The following KCNN2 variants were observed in gnomAD, a reference collection of about 807,000 sequenced individuals.
KCNN2 encodes small conductance calcium-activated potassium channel protein 2.
Under a neutral mutation model 55.5 loss-of-function variants are expected in KCNN2, and 24 were observed. The ratio of observed to expected loss-of-function variants is 0.43; its 90% CI spans 0.31 to 0.61. The LOEUF is 0.61. Ranked by LOEUF, KCNN2 falls within the 20% of genes least tolerant of loss-of-function variation. KCNN2 has a pLI of 0.08. For synonymous variants in KCNN2, 431 were observed against 336.1 expected, an observed-to-expected ratio of 1.28 and a Z score of -3.09; for missense variants, 754 against 853.6, an observed-to-expected ratio of 0.88 and a Z score of 1.45.
At position 114,145,280 on chromosome 5, in the gene KCNN2, A is replaced by G. The variant is rs533450445; in HGVS notation, c.-270-76200A>G. On this transcript the variant is annotated intron_variant, in intron 1 of 10. Coordinates refer to the KCNN2 transcript ENST00000512097. ...TAGTAATATGACCTTTAGGAGCCCA[A>G]TCAACAATGGTATAGTGAGAAGAAT... is the stretch of plus-strand genomic sequence containing the variant. Among the ~76,000 whole-genome samples the G allele has an allele frequency of 2.0e-4, 30 of 152,354 alleles. 1 individual carries two copies. In the South Asian group the frequency reaches 5.8e-3, roughly 29 times the overall value.
At chr5:114,339,859 T>C (rs1328756121) in intron 2 of KCNN2, among the ~76,000 whole-genome samples, 3 of 147,232 alleles carry the variant, frequency 2.0e-5, no homozygotes, top group East Asian at 2.0e-4. Flanking sequence ...AAATGCATGA[T>C]ATATGGCAAT....
intron 2 of KCNN2, among the ~76,000 whole-genome samples, chr5:114,324,670 T>C (rs896356728): frequency 6.6e-6 from 1 of 152,222 alleles, no homozygotes; most frequent in African/African-American, 2.4e-5. Context: ...TTTGTGATAA[T>C]TTGTTACAGC....
At chr5:114,077,758 A>C (rs1168864801) in intron 1 of KCNN2, among the ~76,000 whole-genome samples, 1 of 152,196 alleles carries the variant, frequency 6.6e-6, no homozygotes, top group African/African-American at 2.4e-5. Context: ...TGAGGCACAG[A>C]TAAAGCAGGT....
intron 2 of KCNN2, among the ~76,000 whole-genome samples, chr5:114,397,075 C>G (rs1004704206): frequency 6.6e-6 from 1 of 152,166 alleles, no homozygotes; most frequent in African/African-American, 2.4e-5. Context: ...TATGGCTGTG[C>G]AGTATTCCAT....
intron 2 of KCNN2, among the ~76,000 whole-genome samples, chr5:114,233,200 G>A (rs972410311): frequency 7.9e-5 from 12 of 151,888 alleles, no homozygotes; most frequent in African/African-American, 2.2e-4. Context: ...GATTACAGGC[G>A]TGAGCCACCG....
At chr5:114,332,257 C>T (rs905251960) in intron 2 of KCNN2, among the ~76,000 whole-genome samples, 12 of 152,098 alleles carry the variant, frequency 7.9e-5, no homozygotes, top group African/African-American at 2.4e-4. Flanking sequence ...GTGCAGAAAG[C>T]GGATGGCCCA....
chr5:114,491,960 C>A (rs1385146758), intron 6 of KCNN2, among the ~76,000 whole-genome samples: 1 of 152,156 alleles, frequency 6.6e-6, no homozygotes, highest in Non-Finnish European at 1.5e-5. Flanking sequence ...TATATTGGAT[C>A]TAAATACATG....
intron 2 of KCNN2, among the ~76,000 whole-genome samples, chr5:114,254,215 A>C (rs1354820847): frequency 2.6e-5 from 4 of 152,216 alleles, no homozygotes; most frequent in Non-Finnish European, 5.9e-5. Context: ...AACAATACGA[A>C]AAGATAGAAA....
chr5:114,077,501 C>A (rs1746424420), intron 1 of KCNN2, among the ~76,000 whole-genome samples: 9 of 152,198 alleles, frequency 5.9e-5, no homozygotes, highest in Admixed American at 5.9e-4. Flanking sequence ...ATACTAGTTT[C>A]AAAAGGTAAA....
intron 2 of KCNN2, among the ~76,000 whole-genome samples, chr5:114,257,362 A>G (rs1031871106): frequency 6.6e-6 from 1 of 151,692 alleles, no homozygotes; most frequent in Non-Finnish European, 1.5e-5. Context: ...TTTCATATGA[A>G]TTTTAGGATT....
At chr5:114,209,717 G>A (rs1030540872) in intron 1 of KCNN2, among the ~76,000 whole-genome samples, 1 of 152,116 alleles carries the variant, frequency 6.6e-6, no homozygotes, top group Non-Finnish European at 1.5e-5. Flanking sequence ...TTCCAAAAAA[G>A]CTAACTGCTA....
chr5:114,212,257 C>T (rs928360345), intron 1 of KCNN2, among the ~76,000 whole-genome samples: 1 of 151,936 alleles, frequency 6.6e-6, no homozygotes. Context: ...ACTGCTAAAC[C>T]TTGAAAACAT....
At chr5:114,160,610 A>C (rs1036382692) in intron 1 of KCNN2, among the ~76,000 whole-genome samples, 1 of 152,162 alleles carries the variant, frequency 6.6e-6, no homozygotes, top group East Asian at 1.9e-4. Flanking sequence ...GGGGTGTTAA[A>C]GTCTCCCATT....
At chr5:114,188,216 A>T (rs1753379179) in intron 1 of KCNN2, among the ~76,000 whole-genome samples, 1 of 152,208 alleles carries the variant, frequency 6.6e-6, no homozygotes, top group Admixed American at 6.5e-5. Context: ...CTGGCACTTT[A>T]GGGTTTTAAC....
At chr5:114,285,331 C>T (rs1374012181) in intron 2 of KCNN2, among the ~76,000 whole-genome samples, 9 of 145,168 alleles carry the variant, frequency 6.2e-5, no homozygotes, top group Admixed American at 2.8e-4. Flanking sequence ...AAAAATATAT[C>T]GGTAATTCCA....
At chr5:114,137,668 T>C (rs1195764228) in intron 1 of KCNN2, among the ~76,000 whole-genome samples, 2 of 152,196 alleles carry the variant, frequency 1.3e-5, no homozygotes, top group African/African-American at 4.8e-5. Flanking sequence ...TGAGTACTGT[T>C]AGGTTCTGAC....
rs5870582 is a variant in KCNN2 at position 114,151,106 on chromosome 5, A to ATT, written c.-270-70365_-270-70364dup. ...ACTTTTTAATTTGTTTTGTTTTTGA[A>ATT]TTTTTTTTTTCTTTAAAATCAAATA... On this transcript the variant is annotated intron_variant, in intron 1 of 10. Coordinates refer to the KCNN2 transcript ENST00000512097. Among the ~76,000 whole-genome samples the ATT allele has an allele frequency of 3.7e-3, 556 of 150,514 alleles. 3 individuals carry two copies. The highest frequency in any genetic ancestry group is 0.011 in the African/African-American group (433 of 41,104).
chr5:114,255,897 G>A (rs1466410156), intron 2 of KCNN2, among the ~76,000 whole-genome samples: 1 of 152,048 alleles, frequency 6.6e-6, no homozygotes, highest in Non-Finnish European at 1.5e-5. Context: ...TTACAGTTTT[G>A]TTACATGGAT....
At chr5:114,377,607 G>A (rs1224294776) in intron 2 of KCNN2, among the ~76,000 whole-genome samples, 5 of 152,150 alleles carry the variant, frequency 3.3e-5, no homozygotes, top group Admixed American at 2.0e-4. Flanking sequence ...GAAGAAGCCC[G>A]AGGGACGCCT....
Sources: allele counts gnomAD v4.1 joint callset (sites outside exome capture counted in the v4.1 genomes callset), GRCh38; gene constraint gnomAD v4.1.1; transcripts MANE v1.5; gene names NCBI Gene and HGNC (gene_info 2026-07-23, HGNC 2026-07-21).